Variants in LY75 observed in about 807,000 individuals in gnomAD.
LY75 encodes C-type lectin domain family 13 member B.
A neutral mutation model predicts 231.7 loss-of-function variants in LY75; 185 were observed. The ratio of observed to expected loss-of-function variants is 0.80; its 90% confidence interval spans 0.71 to 0.90. The LOEUF (loss-of-function observed/expected upper bound fraction) is 0.90, where lower values mean the gene tolerates loss of function less well. Ranked by LOEUF, LY75 falls within the 40% of genes least tolerant of loss-of-function variation. The probability of loss-of-function intolerance (pLI) is 0.00; values close to 1 mark genes in which losing one functional copy is unlikely to be tolerated. For missense variants in LY75, 1,947 were observed against 2,050.2 expected, an observed-to-expected ratio of 0.95 and a Z score of 0.97; for synonymous variants, 668 against 689.0, an observed-to-expected ratio of 0.97 and a Z score of 0.48.
chr2:159,872,621 T>C, intron 12 of LY75, 28 bp from the exon 13 acceptor site: 2 of 1,602,914 alleles, frequency 1.2e-6, no homozygotes, highest in Non-Finnish European at 8.5e-7. Context: ...TTAATTTGTT[T>C]TATGGTATTA....
intron 28 of LY75, among the ~76,000 whole-genome samples, chr2:159,823,332 C>A (rs1295259654): frequency 6.6e-6 from 1 of 151,478 alleles, no homozygotes; most frequent in Non-Finnish European, 1.5e-5. Flanking sequence ...ATTGATCAAG[C>A]GGAAGAAAGG....
Position 159,874,994 on chromosome 2 carries a change from AATATATATATTGT to A in LY75, c.1974+437_1974+449del, listed in dbSNP as rs1478392258. On this transcript the variant is annotated intron_variant, in intron 12 of 34. Transcript: ENST00000263636. ...TATATATATTGTAAATATGTTTATA[AATATATATATTGT>A]ATATATAAATATATATATTTGTATA... Among the ~76,000 whole-genome samples, 14 of 143,208 alleles carry A rather than the reference AATATATATATTGT, an allele frequency of 9.8e-5. No individual in the cohort carries two copies. In the South Asian group the frequency reaches 3.0e-3, roughly 30 times the overall value. The allele number at this position is 143,208 out of a possible 152,430, so 94.0% of individuals were successfully genotyped here.
intron 28 of LY75, among the ~76,000 whole-genome samples, chr2:159,826,412 C>A (rs1165813742): frequency 6.7e-6 from 1 of 148,386 alleles, no homozygotes; most frequent in African/African-American, 2.6e-5. Context: ...ATGTGAAGGA[C>A]CTCTTCAAGG....
chr2:159,819,646 T>C, intron 29 of LY75, 80 bp downstream of exon 29: 2 of 1,471,302 alleles, frequency 1.4e-6, no homozygotes, highest in Non-Finnish European at 1.8e-6. Flanking sequence ...CATTTGATTG[T>C]ATGATTCCCA....
Position 159,890,220 on chromosome 2 carries a change from G to T in LY75, c.795C>A (p.Tyr265Ter). 1 of 1,610,342 alleles carries T rather than the reference G, an allele frequency of 6.2e-7. No homozygotes were observed. Among genetic ancestry groups the T allele is most frequent in the South Asian group, 1.1e-5 (1 of 90,226 alleles). The change falls in exon 4 of 35, where the codon TAC (tyrosine) becomes TAA (stop). Residue 265 changes from tyrosine to a stop codon, truncating the protein, a stop_gained. Transcript: ENST00000263636. LOFTEE classifies it high-confidence loss of function. Reference protein sequence around the residue: ...LSINSAAELTYLKEKEGIAKI... With the variant: ...LSINSAAELT ...CATGCAAATAAAATCTACCTTTAAG[G>T]TAAGTTAATTCAGCAGCACTGTTGA...
intron 3 of LY75, among the ~76,000 whole-genome samples, chr2:159,893,338 G>A (rs1685815698): frequency 6.6e-6 from 1 of 152,098 alleles, no homozygotes; most frequent in Non-Finnish European, 1.5e-5. Context: ...TTCTGTTTTT[G>A]CTTTCTTCAG....
chr2:159,854,429 G>T lies in LY75; in HGVS notation c.2526C>A (p.Ser842Arg). ...NYEEAVLYCA[S>R]NHSFLATITS... Reference sequence around the variant, plus strand: ...TTATAGTTGCAAGAAAGCTGTGATTGCTGGCACAGTACAGGACGGCTTCTT... The same window carrying T: ...TTATAGTTGCAAGAAAGCTGTGATTTCTGGCACAGTACAGGACGGCTTCTT... Residue 842 changes from serine to arginine, a missense_variant, in exon 18 of 35, where the codon AGC becomes AGA. Transcript: ENST00000263636. 1 of 1,574,862 alleles carries T rather than the reference G, an allele frequency of 6.3e-7. No homozygotes were observed. The highest frequency in any genetic ancestry group is 8.7e-7 in the Non-Finnish European group (1 of 1,155,804).
Position 159,805,310 on chromosome 2 carries a change from T to TA in LY75, c.4991-89dup, listed in dbSNP as rs1682760593. On this transcript the variant is annotated intron_variant, in intron 34 of 34. Transcript: ENST00000263636. ...TACATTATGGGTTGTGTCACACATG[T>TA]AAACCTGTAAGCTGTATACAGACAT... The TA allele has an allele frequency of 3.2e-6, 3 of 926,672 alleles. No homozygotes were observed. In the East Asian group the frequency reaches 7.3e-5, roughly 23 times the overall value. 57.4% of individuals were successfully genotyped at this position (926,672 alleles called of 1,614,324 possible). A position where few individuals can be genotyped will look rare whatever the true frequency, so the allele number is the denominator to read the frequency against.
intron 23 of LY75, among the ~76,000 whole-genome samples, chr2:159,848,204 T>C (rs926273498): frequency 1.3e-5 from 2 of 151,276 alleles, no homozygotes; most frequent in African/African-American, 4.9e-5. Flanking sequence ...ATATATATGA[T>C]GGAGGAATAC....
chr2:159,849,755 C>T (rs753991428), intron 23 of LY75, among the ~76,000 whole-genome samples: 6 of 152,118 alleles, frequency 3.9e-5, no homozygotes, highest in East Asian at 1.9e-4. Flanking sequence ...AGAACATTTT[C>T]GCCATCCCCA....
Position 159,810,600 on chromosome 2 carries a change from T to A in LY75, c.4625A>T (p.Tyr1542Phe). The A allele has an allele frequency of 1.2e-6, 2 of 1,614,198 alleles. No homozygotes were observed. The highest frequency in any genetic ancestry group is 1.7e-6 in the Non-Finnish European group (2 of 1,180,024). Reference sequence around the variant, plus strand: ...ATCAGACTTGTAACAGTGACCCTTGTACTGGATCCACCGTGACCCATTCTC... The same window carrying A: ...ATCAGACTTGTAACAGTGACCCTTGAACTGGATCCACCGTGACCCATTCTC... Reference protein sequence around the residue: ...AKENGSRWIQYKGHCYKSDQA... With the variant: ...AKENGSRWIQFKGHCYKSDQA... Residue 1542 changes from tyrosine (Y) to phenylalanine (F), a missense_variant, in exon 32 of 35, where the codon TAC becomes TTC. Transcript: ENST00000263636.
At chr2:159,860,599 T>C (rs1684673950) in intron 15 of LY75, among the ~76,000 whole-genome samples, 1 of 152,224 alleles carries the variant, frequency 6.6e-6, no homozygotes, top group African/African-American at 2.4e-5. Flanking sequence ...ATTTGGAGCA[T>C]ATTACTGCGT....
At chr2:159,872,683 C>G in intron 12 of LY75, 90 bp from the exon 13 acceptor site, 1 of 1,415,314 alleles carries the variant, frequency 7.1e-7, no homozygotes, top group African/African-American at 1.4e-5. Context: ...TGTGTGGGCC[C>G]CTGAAATGAA....
intron 26 of LY75, 140 bp from the exon 27 acceptor site, chr2:159,834,351 TCAG>T: frequency 9.0e-7 from 1 of 1,112,706 alleles, no homozygotes; most frequent in Non-Finnish European, 1.2e-6. Context: ...CTGTTTATAC[TCAG>T]ATATAGCACA....
Position 159,808,448 on chromosome 2 carries a change from C to A in LY75, c.4822+1G>T, listed in dbSNP as rs540758848. On this transcript the variant is annotated splice_donor_variant, in intron 33 of 34. Coordinates refer to ENST00000263636, the MANE Select transcript of LY75 (RefSeq NM_002349.4). LOFTEE classifies it high-confidence loss of function. ...ACTACACATACAATTATTTCACTTA[C>A]CAACAGAATGTTGAGATAATCCAAG... 1.9e-6 allele frequency: 3 copies of A among 1,613,762 alleles called. No individual in the cohort carries two copies. The highest frequency in any genetic ancestry group is 3.3e-5 in the Admixed American group (2 of 60,016).
At position 159,811,161 on chromosome 2, in the gene LY75, C is replaced by T. The variant is rs142746271; in HGVS notation, c.4550-486G>A. Among the ~76,000 whole-genome samples, 142 of 151,832 alleles carry T rather than the reference C, an allele frequency of 9.4e-4. 3 individuals are homozygous for T. The highest frequency in any genetic ancestry group is 3.3e-3 in the African/African-American group (135 of 41,156). ...AAGTGCTGGGATTACAGGCGTGACC[C>T]CACAGCGCCTAGCCCGTTGGATTCC... On this transcript the variant is annotated intron_variant, in intron 31 of 34. Coordinates refer to ENST00000263636, the MANE Select transcript of LY75 (RefSeq NM_002349.4).
rs372002783 is a variant in LY75, at chr2:159,853,668, T to C, written c.2625A>G (p.Ile875Met). ...NISGDGQKWW[I>M]RISEWPIDDH... The stretch of plus-strand genomic sequence containing the variant: ...CATCTATTGGCCACTCGCTAATTCT[T>C]ATCCACCACTTCTGTCCATCACCAG... The change falls in exon 19 of 35, where the codon ATA becomes ATG. Residue 875 changes from isoleucine (I) to methionine (M), a missense_variant. Transcript: ENST00000263636. The C allele has an allele frequency of 9.3e-6, 15 of 1,613,476 alleles. No homozygotes were observed. Among genetic ancestry groups the C allele is most frequent in the Non-Finnish European group, 1.3e-5 (15 of 1,179,852 alleles).
intron 6 of LY75, among the ~76,000 whole-genome samples, chr2:159,884,087 G>C (rs1213035237): frequency 7.9e-5 from 12 of 152,166 alleles, no homozygotes; most frequent in Admixed American, 5.9e-4. Flanking sequence ...AGTCTCATGA[G>C]ATCTGGCGGT....
chr2:159,851,779 C>G (rs963903840), intron 21 of LY75, among the ~76,000 whole-genome samples: 2 of 152,134 alleles, frequency 1.3e-5, no homozygotes, highest in African/African-American at 4.8e-5. Flanking sequence ...TGTGTGTAGT[C>G]CCCAAAAAGT....
Sources: gnomAD v4.1 joint callset for allele counts (sites outside exome capture counted in the v4.1 genomes callset) on GRCh38, gnomAD v4.1.1 for gene constraint, MANE v1.5 for transcripts, NCBI Gene and HGNC (gene_info 2026-07-23, HGNC 2026-07-21) for gene names.